NINL: variants seen among roughly 807,000 people sequenced by gnomAD.
NINL encodes the protein ninein-like protein.
In NINL, 153 loss-of-function variants were observed where a neutral mutation model predicts 160.3. That is an observed-to-expected ratio of 0.95 (90% CI 0.84 to 1.09). The LOEUF is 1.09. NINL is among the 50% of genes least tolerant of loss of function. NINL has a pLI of 0.00. For synonymous variants in NINL, 800 were observed against 734.8 expected (o/e 1.09, Z -1.43); for missense variants, 1,829 against 1,764.0 (o/e 1.04, Z -0.66).
In NINL at chr20:25,453,292, C is replaced by T. The variant is rs2090576904; in HGVS notation, c.*159G>A. ...CCCCCAGCCCCCACCTCCATCTTGC[C>T]CAGGGCAGACCATTCATTAACTATC... is the stretch of plus-strand genomic sequence containing the variant. On this transcript the variant is annotated 3_prime_UTR_variant, in exon 24 of 24. Transcript: ENST00000278886. 4.4e-5 allele frequency: 25 copies of T among 572,744 alleles called. 1 individual carries two copies. In the South Asian group the frequency reaches 9.7e-4, roughly 22 times the overall value. The allele number at this position is 572,744 out of a possible 1,614,324, so 35.5% of individuals were successfully genotyped here.
intron 17 of NINL, among the ~76,000 whole-genome samples, chr20:25,475,531 T>C (rs962140471): frequency 2.8e-4 from 43 of 152,314 alleles, no homozygotes; most frequent in African/African-American, 1.0e-3. Context: ...GCAAAAGTTA[T>C]TGTTTAATGG....
intron 1 of NINL, among the ~76,000 whole-genome samples, chr20:25,531,768 G>A (rs559623625): frequency 2.6e-5 from 4 of 152,242 alleles, no homozygotes; most frequent in African/African-American, 4.8e-5. Flanking sequence ...CCCAGACAGC[G>A]AGGCTTGGAG....
intron 10 of NINL, among the ~76,000 whole-genome samples, chr20:25,495,997 A>T (rs1568912072): frequency 6.6e-6 from 1 of 152,072 alleles, no homozygotes; most frequent in Non-Finnish European, 1.5e-5. Flanking sequence ...TACAAAAATT[A>T]GCTGGGTGTG....
chr20:25,480,063 A>G, intron 15 of NINL, 98 bp downstream of exon 15: 1 of 849,960 alleles, frequency 1.2e-6, no homozygotes, highest in South Asian at 1.4e-5. Context: ...AAAGGATTCC[A>G]GGGCAGACGC....
intron 1 of NINL, among the ~76,000 whole-genome samples, chr20:25,567,202 A>G (rs1426602465): frequency 6.6e-6 from 1 of 152,216 alleles, no homozygotes; most frequent in Non-Finnish European, 1.5e-5. Context: ...AAATATTTCA[A>G]TAGAAACTTC....
At chr20:25,574,675 G>A (rs935474639) in intron 1 of NINL, among the ~76,000 whole-genome samples, 10 of 152,146 alleles carry the variant, frequency 6.6e-5, no homozygotes, top group African/African-American at 2.4e-4. Flanking sequence ...CCTTGAGGGA[G>A]GAAACAGAGG....
intron 16 of NINL, among the ~76,000 whole-genome samples, chr20:25,478,230 G>C (rs999656805): frequency 6.6e-6 from 1 of 152,160 alleles, no homozygotes; most frequent in African/African-American, 2.4e-5. Flanking sequence ...TTACAGGTGT[G>C]AGCCACCGCA....
Position 25,480,288 on chromosome 20 carries a change from C to A in NINL, c.1811-21G>T, listed in dbSNP as rs1274339124. The stretch of plus-strand genomic sequence containing the variant: ...AATGCCTGCAAACAAGAGGCCACTT[C>A]CGTTTGTCACACTGAGGATGCCACG... On this transcript the variant is annotated intron_variant, in intron 14 of 23. Coordinates refer to ENST00000278886, the MANE Select transcript of NINL (RefSeq NM_025176.6). 3 of 1,600,248 alleles carry A rather than the reference C, an allele frequency of 1.9e-6. No individual in the cohort carries two copies. The African/African-American group carries it at 4.0e-5, about 21-fold the overall frequency.
At chr20:25,537,424 G>GA (rs1263301987) in intron 1 of NINL, among the ~76,000 whole-genome samples, 1 of 152,152 alleles carries the variant, frequency 6.6e-6, no homozygotes, top group Admixed American at 6.5e-5. Flanking sequence ...GTTATTTGAC[G>GA]AAACAAAAAC....
At chr20:25,527,270 C>T (rs1235579183) in intron 1 of NINL, among the ~76,000 whole-genome samples, 2 of 151,992 alleles carry the variant, frequency 1.3e-5, no homozygotes, top group East Asian at 1.9e-4. Flanking sequence ...TCTCCTGCCA[C>T]AGCCTCACAA....
chr20:25,568,381 A>C (rs2065018124), intron 1 of NINL, among the ~76,000 whole-genome samples: 1 of 151,948 alleles, frequency 6.6e-6, no homozygotes, highest in Non-Finnish European at 1.5e-5. Flanking sequence ...TAAATTCAAC[A>C]GTTTAGATTA....
intron 7 of NINL, among the ~76,000 whole-genome samples, chr20:25,502,822 G>A (rs2146805584): frequency 6.6e-6 from 1 of 152,238 alleles, no homozygotes; most frequent in East Asian, 1.9e-4. Context: ...TAAGCTTCCT[G>A]AGGCCTCCCC....
chr20:25,478,761 C>T (rs1447114571), intron 16 of NINL, 162 bp downstream of exon 16: 49 of 678,624 alleles, frequency 7.2e-5, no homozygotes, highest in Non-Finnish European at 1.2e-4. Context: ...AGCCAGAATC[C>T]TCATGCCAGG....
intron 1 of NINL, among the ~76,000 whole-genome samples, chr20:25,528,407 T>C (rs889868076): frequency 1.8e-4 from 28 of 152,160 alleles, no homozygotes; most frequent in Non-Finnish European, 1.5e-4. Flanking sequence ...ATAATAGTAA[T>C]AACTAATCTA....
In NINL at chr20:25,472,324, G is replaced by GATATATATATAT. The variant is rs56260321; in HGVS notation, c.3249-2241_3249-2230dup. ...ATTGAAGAAAATAGTGGGAGGAGAG[G>GATATATATATAT]ATATATATATATATATATATATATA... is the stretch of plus-strand genomic sequence containing the variant. On this transcript the variant is annotated intron_variant, in intron 17 of 23. Coordinates refer to ENST00000278886, the MANE Select transcript of NINL (RefSeq NM_025176.6). Among the ~76,000 whole-genome samples the GATATATATATAT allele has an allele frequency of 2.3e-3, 189 of 83,916 alleles. 1 individual carries two copies. Among genetic ancestry groups the GATATATATATAT allele is most frequent in the Non-Finnish European group, 2.8e-3 (121 of 42,514 alleles). 55.1% of individuals were successfully genotyped at this position (83,916 alleles called of 152,430 possible). A position where few individuals can be genotyped will look rare whatever the true frequency, so the allele number is the denominator to read the frequency against.
chr20:25,524,931 G>GTATA lies in NINL; in HGVS notation c.180+1473_180+1476dup, dbSNP rs59291392. On this transcript the variant is annotated intron_variant, in intron 2 of 23. Coordinates refer to ENST00000278886, the MANE Select transcript of NINL (RefSeq NM_025176.6). Reference sequence around the variant, plus strand: ...TATATATATATATATATATGTGTGTGTATATATATATATATAAATAAATAA... The same window carrying GTATA: ...TATATATATATATATATATGTGTGTGTATATATATATATATATATAAATAAATAA... Among the ~76,000 whole-genome samples the GTATA allele has an allele frequency of 7.5e-3, 1,097 of 146,458 alleles. 12 individuals carry two copies. The highest frequency in any genetic ancestry group is 0.034 in the Admixed American group (492 of 14,638).
At position 25,453,663 on chromosome 20, in the gene NINL, T is replaced by C. The variant is rs746135868; in HGVS notation, c.3958-21A>G. The C allele has an allele frequency of 5.1e-6, 8 of 1,582,138 alleles. No individual in the cohort carries two copies. In the East Asian group the frequency reaches 1.8e-4, roughly 36 times the overall value. Reference sequence around the variant, plus strand: ...TCAAACTAGAGAGGGGAGGAAGCCATGCTTTGCATGAGGCCGGTGGAGAAA... The same window carrying C: ...TCAAACTAGAGAGGGGAGGAAGCCACGCTTTGCATGAGGCCGGTGGAGAAA... On this transcript the variant is annotated intron_variant, in intron 23 of 23. Coordinates refer to ENST00000278886, the MANE Select transcript of NINL (RefSeq NM_025176.6).
intron 15 of NINL, among the ~76,000 whole-genome samples, chr20:25,479,892 G>A (rs1448438829): frequency 1.3e-5 from 2 of 152,204 alleles, no homozygotes; most frequent in East Asian, 1.9e-4. Flanking sequence ...ACGGCGCTGC[G>A]CTGCCTCAAG....
intron 1 of NINL, among the ~76,000 whole-genome samples, chr20:25,550,646 G>C (rs1385689413): frequency 6.6e-6 from 1 of 152,116 alleles, no homozygotes; most frequent in Non-Finnish European, 1.5e-5. Context: ...TTAAGGAAAG[G>C]TGCTGTGCCT....
Sources: allele counts gnomAD v4.1 joint callset (sites outside exome capture counted in the v4.1 genomes callset), GRCh38; gene constraint gnomAD v4.1.1; transcripts MANE v1.5; gene names NCBI Gene and HGNC (gene_info 2026-07-23, HGNC 2026-07-21).